NELL1: variants seen among roughly 807,000 people sequenced by gnomAD.
The protein encoded by NELL1 is protein kinase C-binding protein NELL1.
Under a neutral mutation model 107.4 loss-of-function variants are expected in NELL1, and 76 were observed. The observed-to-expected ratio is 0.71, with a 90% CI of 0.59 to 0.86. The LOEUF (loss-of-function observed/expected upper bound fraction) is 0.86. NELL1 is among the 40% of genes least tolerant of loss of function. The pLI is 0.00. For missense variants in NELL1, 1,024 were observed against 1,005.5 expected, an observed-to-expected ratio of 1.02 and a Z score of -0.25; for synonymous variants, 353 against 341.2, an observed-to-expected ratio of 1.03 and a Z score of -0.38.
chr11:21,385,535 C>T (rs759987336), intron 15 of NELL1, among the ~76,000 whole-genome samples: 13 of 151,744 alleles, frequency 8.6e-5, no homozygotes, highest in South Asian at 2.1e-4. Context: ...TTTTCCCCTC[C>T]ATCCTACCTC....
At chr11:21,433,752 C>T (rs943775894) in intron 15 of NELL1, among the ~76,000 whole-genome samples, 2 of 151,932 alleles carry the variant, frequency 1.3e-5, no homozygotes, top group Non-Finnish European at 2.9e-5. Flanking sequence ...CTCGGCTCAC[C>T]ACAACCTCCA....
chr11:20,985,563 A>T (rs1851836083), intron 12 of NELL1, among the ~76,000 whole-genome samples: 1 of 152,080 alleles, frequency 6.6e-6, no homozygotes, highest in African/African-American at 2.4e-5. Context: ...TGCCATAAGA[A>T]CCCACAGATG....
chr11:21,562,942 A>G (rs1383611239), intron 17 of NELL1, among the ~76,000 whole-genome samples: 1 of 152,082 alleles, frequency 6.6e-6, no homozygotes, highest in Non-Finnish European at 1.5e-5. Flanking sequence ...CCACAGATGA[A>G]TAGAGTTCAA....
intron 6 of NELL1, 41 bp downstream of exon 6, chr11:20,918,295 T>C (rs780954242): frequency 8.3e-7 from 1 of 1,204,756 alleles, no homozygotes; most frequent in Non-Finnish European, 1.2e-6. Context: ...TTATATAACT[T>C]GTTGATTGTA....
At chr11:21,404,016 C>A (rs868173315) in intron 15 of NELL1, among the ~76,000 whole-genome samples, 1 of 116,260 alleles carries the variant, frequency 8.6e-6, no homozygotes, top group African/African-American at 3.2e-5. Context: ...CCCCCCCCCC[C>A]GCAATCAAAA....
At chr11:21,004,429 G>A (rs1285269096) in intron 12 of NELL1, among the ~76,000 whole-genome samples, 1 of 151,942 alleles carries the variant, frequency 6.6e-6, no homozygotes, top group Admixed American at 6.6e-5. Context: ...ATCCCCATGA[G>A]GGAGTTGTGA....
intron 2 of NELL1, among the ~76,000 whole-genome samples, chr11:20,777,151 G>A (rs997581438): frequency 3.3e-5 from 5 of 152,186 alleles, no homozygotes; most frequent in Non-Finnish European, 5.9e-5. Flanking sequence ...CAGCTTTCCA[G>A]GTTGAAATCT....
chr11:21,430,670 G>T (rs762764594), intron 15 of NELL1, among the ~76,000 whole-genome samples: 5 of 152,008 alleles, frequency 3.3e-5, no homozygotes, highest in Non-Finnish European at 5.9e-5. Context: ...GAAATGATTC[G>T]CAGGGTGAGA....
At chr11:21,347,950 A>G (rs1053865323) in intron 14 of NELL1, among the ~76,000 whole-genome samples, 3 of 152,156 alleles carry the variant, frequency 2.0e-5, no homozygotes. Flanking sequence ...AAGGTTGCCA[A>G]TCTTAGGAGC....
At chr11:21,008,679 C>G (rs1369605620) in intron 12 of NELL1, among the ~76,000 whole-genome samples, 2 of 151,920 alleles carry the variant, frequency 1.3e-5, no homozygotes, top group African/African-American at 4.8e-5. Context: ...GAGACCTATA[C>G]CCATCCTCAC....
chr11:20,818,505 A>G (rs1417107591), intron 3 of NELL1, among the ~76,000 whole-genome samples: 4 of 151,712 alleles, frequency 2.6e-5, no homozygotes, highest in African/African-American at 7.3e-5. Flanking sequence ...AAAATGGCAG[A>G]GCCACAATGC....
At chr11:21,130,894 T>C (rs944795228) in intron 13 of NELL1, among the ~76,000 whole-genome samples, 1 of 144,732 alleles carries the variant, frequency 6.9e-6, no homozygotes, top group African/African-American at 2.6e-5. Flanking sequence ...CTTGTCACGG[T>C]CCCTAATTGG....
intron 2 of NELL1, among the ~76,000 whole-genome samples, chr11:20,774,964 AC>A (rs2133973258): frequency 6.6e-6 from 1 of 152,188 alleles, no homozygotes; most frequent in African/African-American, 2.4e-5. Context: ...AGAAAAAAAA[AC>A]CCTGTTGTCC....
chr11:20,917,785 G>A (rs1850288943), intron 5 of NELL1, among the ~76,000 whole-genome samples: 1 of 151,904 alleles, frequency 6.6e-6, no homozygotes, highest in Admixed American at 6.6e-5. Flanking sequence ...AAATGAATCA[G>A]TAGAAAAATT....
intron 14 of NELL1, among the ~76,000 whole-genome samples, chr11:21,283,497 G>T (rs1280819736): frequency 6.6e-6 from 1 of 152,162 alleles, no homozygotes; most frequent in Non-Finnish European, 1.5e-5. Context: ...TAAAGTCTGT[G>T]TTTTTAAAAG....
intron 16 of NELL1, among the ~76,000 whole-genome samples, chr11:21,555,141 TG>T (rs1192782337): frequency 6.6e-6 from 1 of 151,896 alleles, no homozygotes; most frequent in Non-Finnish European, 1.5e-5. Flanking sequence ...TAGATGTTAA[TG>T]GCATAGAGTA....
chr11:21,348,454 C>A (rs1323595946), intron 14 of NELL1, among the ~76,000 whole-genome samples: 3 of 151,894 alleles, frequency 2.0e-5, no homozygotes, highest in African/African-American at 4.8e-5. Context: ...ACATGTAAAC[C>A]AATAATTTTA....
Position 21,076,428 on chromosome 11 carries a change from T to C in NELL1, c.1301-37161T>C, listed in dbSNP as rs575335982. ...GATGGAGAAAGTGACCTGGAAATAG[T>C]ACATGTGTTAGGAATTATGGCTTTT... On this transcript the variant is annotated intron_variant, in intron 12 of 19. Transcript: ENST00000357134. 2.6e-5 allele frequency among the ~76,000 whole-genome samples: 4 copies of C among 152,330 alleles called. No homozygotes were observed. In the East Asian group the frequency reaches 7.7e-4, roughly 29 times the overall value.
rs149818493 is a variant in NELL1, at chr11:21,262,879, C to G, written c.1549+33425C>G. 2.8e-3 allele frequency among the ~76,000 whole-genome samples: 419 copies of G among 151,914 alleles called. 1 individual carries two copies. The highest frequency in any genetic ancestry group is 4.4e-3 in the Non-Finnish European group (298 of 67,874). On this transcript the variant is annotated intron_variant, in intron 14 of 19. Coordinates refer to ENST00000357134, the MANE Select transcript of NELL1 (RefSeq NM_006157.5). ...TTTCCTTGGTCTTCTCTTTCTTTTTCTAGCTTTCCTGTTATTTTGATGCTG... is the reference window on the plus strand; with the variant it reads ...TTTCCTTGGTCTTCTCTTTCTTTTTGTAGCTTTCCTGTTATTTTGATGCTG...
Sources: allele counts gnomAD v4.1 joint callset (sites outside exome capture counted in the v4.1 genomes callset), GRCh38; gene constraint gnomAD v4.1.1; transcripts MANE v1.5; gene names NCBI Gene and HGNC (gene_info 2026-07-23, HGNC 2026-07-21).